KCNQ5: variants seen among roughly 807,000 people sequenced by gnomAD.
KCNQ5 encodes the protein potassium voltage-gated channel subfamily KQT member 5.
KCNQ5 carries 30 observed loss-of-function variants against 98.2 expected under a neutral mutation model. The ratio of observed to expected loss-of-function variants is 0.31; its 90% CI spans 0.23 to 0.41. The LOEUF is 0.41. Among genes scored for constraint, KCNQ5 ranks in the 10% least tolerant of loss-of-function variants. The pLI is 1.00. For missense variants in KCNQ5, 835 were observed against 1,182.5 expected (o/e 0.71, Z 4.31); for synonymous variants, 458 against 449.4 (o/e 1.02, Z -0.24).
intron 2 of KCNQ5, among the ~76,000 whole-genome samples, chr6:73,037,953 G>A (rs556139590): frequency 5.9e-5 from 9 of 152,102 alleles, no homozygotes; most frequent in African/African-American, 2.2e-4. Context: ...TAGACCTGTA[G>A]ATCAATTTGG....
chr6:73,185,650 G>A (rs1233577665), intron 11 of KCNQ5, among the ~76,000 whole-genome samples: 2 of 152,202 alleles, frequency 1.3e-5, no homozygotes, highest in African/African-American at 2.4e-5. Flanking sequence ...AGTGGAAGGT[G>A]ATGAGGCAAG....
intron 1 of KCNQ5, among the ~76,000 whole-genome samples, chr6:72,753,444 G>A (rs2207270): frequency 0.056 from 8,439 of 151,926 alleles, 775 homozygotes; most frequent in African/African-American, 0.19. Context: ...ACTTTACTTG[G>A]ATAAATATAT....
At chr6:73,069,070 T>C (rs974730992) in intron 3 of KCNQ5, among the ~76,000 whole-genome samples, 1 of 152,190 alleles carries the variant, frequency 6.6e-6, no homozygotes. Flanking sequence ...ATGGTACCTT[T>C]CTAGTATTTT....
At chr6:72,865,007 A>T (rs993717323) in intron 1 of KCNQ5, among the ~76,000 whole-genome samples, 1 of 152,202 alleles carries the variant, frequency 6.6e-6, no homozygotes, top group Non-Finnish European at 1.5e-5. Context: ...TCCAGGAAAC[A>T]CTTGTTGAGA....
intron 1 of KCNQ5, among the ~76,000 whole-genome samples, chr6:72,791,963 C>T (rs1774073686): frequency 1.3e-5 from 2 of 152,164 alleles, no homozygotes; most frequent in African/African-American, 4.8e-5. Context: ...GTTTTCAACA[C>T]ATGAACTTTG....
chr6:72,896,245 T>C (rs1581974895), intron 1 of KCNQ5, among the ~76,000 whole-genome samples: 1 of 152,228 alleles, frequency 6.6e-6, no homozygotes, highest in East Asian at 1.9e-4. Context: ...TTTAATTGAG[T>C]AGCCATAGTA....
chr6:72,823,134 C>T (rs1032891699), intron 1 of KCNQ5, among the ~76,000 whole-genome samples: 5 of 152,062 alleles, frequency 3.3e-5, no homozygotes, highest in African/African-American at 1.2e-4. Flanking sequence ...TTTGGGAGAC[C>T]TCCCCAACCC....
rs142151457 is a variant in KCNQ5 at position 72,656,839 on chromosome 6, T to C, written c.398+34252T>C. Reference sequence around the variant, plus strand: ...CATTGACCATTGCATCTGGGATGCATTAGACTCTGTCCCTAGGTGCTTCAA... The same window carrying C: ...CATTGACCATTGCATCTGGGATGCACTAGACTCTGTCCCTAGGTGCTTCAA... On this transcript the variant is annotated intron_variant, in intron 1 of 13. Coordinates refer to ENST00000370398, the MANE Select transcript of KCNQ5 (RefSeq NM_019842.4). Among the ~76,000 whole-genome samples the C allele has an allele frequency of 1.6e-4, 24 of 152,258 alleles. 1 individual carries two copies. The East Asian group carries it at 4.6e-3, about 29-fold the overall frequency.
Position 73,130,144 on chromosome 6 carries a change from T to C in KCNQ5, c.1248-3277T>C, listed in dbSNP as rs74688588. On this transcript the variant is annotated intron_variant, in intron 9 of 13. Coordinates refer to ENST00000370398, the MANE Select transcript of KCNQ5 (RefSeq NM_019842.4). ...AGCTGCTGCACGCACTGGATTGTTA[T>C]GGCTCAGTTGCCATATTGTGCCTGA... is the stretch of plus-strand genomic sequence containing the variant. 9.8e-5 allele frequency among the ~76,000 whole-genome samples: 15 copies of C among 152,346 alleles called. No individual in the cohort carries two copies. The East Asian group carries it at 1.7e-3, about 18-fold the overall frequency.
chr6:73,115,560 G>C (rs1562187770), intron 7 of KCNQ5, among the ~76,000 whole-genome samples: 1 of 152,244 alleles, frequency 6.6e-6, no homozygotes, highest in South Asian at 2.1e-4. Context: ...AAAGGAACAA[G>C]AATAAGGATG....
chr6:72,865,324 T>C (rs955673507), intron 1 of KCNQ5, among the ~76,000 whole-genome samples: 2 of 152,218 alleles, frequency 1.3e-5, no homozygotes, highest in Non-Finnish European at 2.9e-5. Flanking sequence ...CATGAAAATG[T>C]ATATTGAAAG....
At chr6:72,970,937 G>A (rs1388061631) in intron 1 of KCNQ5, among the ~76,000 whole-genome samples, 1 of 152,168 alleles carries the variant, frequency 6.6e-6, no homozygotes. Flanking sequence ...GCATAGGCAT[G>A]GGCAAGGACT....
At chr6:72,692,154 C>G (rs1164723741) in intron 1 of KCNQ5, among the ~76,000 whole-genome samples, 3 of 152,218 alleles carry the variant, frequency 2.0e-5, no homozygotes, top group Non-Finnish European at 4.4e-5. Flanking sequence ...GAGTTCATTA[C>G]TCCTTTATGA....
At chr6:73,077,221 G>A in intron 3 of KCNQ5, 101 bp from the exon 4 acceptor site, 1 of 1,169,796 alleles carries the variant, frequency 8.5e-7, no homozygotes, top group Non-Finnish European at 1.2e-6. Flanking sequence ...CTGTTTATCT[G>A]TACCTTAAAT....
intron 1 of KCNQ5, among the ~76,000 whole-genome samples, chr6:72,962,966 T>C (rs963656019): frequency 6.6e-6 from 1 of 152,362 alleles, no homozygotes; most frequent in East Asian, 1.9e-4. Flanking sequence ...ATGAGATTTA[T>C]ATCTCATACT....
chr6:72,872,245 G>A (rs996367197), intron 1 of KCNQ5, among the ~76,000 whole-genome samples: 33 of 152,130 alleles, frequency 2.2e-4, no homozygotes, highest in African/African-American at 7.7e-4. Context: ...TTATTAACCT[G>A]CTGACATTTT....
intron 1 of KCNQ5, among the ~76,000 whole-genome samples, chr6:72,746,064 C>CAA (rs59726566): frequency 3.7e-5 from 3 of 80,214 alleles, no homozygotes; most frequent in South Asian, 7.1e-4. Context: ...ACTCTATTTG[C>CAA]AAAAAAAAAA....
At chr6:72,921,633 A>G (rs1200772109) in intron 1 of KCNQ5, among the ~76,000 whole-genome samples, 1 of 152,188 alleles carries the variant, frequency 6.6e-6, no homozygotes, top group Non-Finnish European at 1.5e-5. Context: ...GGAAAATAAG[A>G]GAATCTACTT....
At chr6:72,863,908 A>G (rs1047965265) in intron 1 of KCNQ5, among the ~76,000 whole-genome samples, 1 of 152,168 alleles carries the variant, frequency 6.6e-6, no homozygotes, top group Non-Finnish European at 1.5e-5. Context: ...AAAAGTATGA[A>G]TTTTCTTTTG....
Sources: gnomAD v4.1 joint callset for allele counts (sites outside exome capture counted in the v4.1 genomes callset) on GRCh38, gnomAD v4.1.1 for gene constraint, MANE v1.5 for transcripts, NCBI Gene and HGNC (gene_info 2026-07-23, HGNC 2026-07-21) for gene names.